The following ADGRA3 variants were observed in gnomAD, a reference collection of about 807,000 sequenced individuals.
ADGRA3 encodes the protein G-protein coupled receptor 125.
ADGRA3 carries 56 observed loss-of-function variants against 119.8 expected under a neutral mutation model. That is an observed-to-expected ratio of 0.47 (90% CI 0.38 to 0.58). The LOEUF (loss-of-function observed/expected upper bound fraction) is 0.58. Ranked by LOEUF, ADGRA3 falls within the 20% of genes least tolerant of loss-of-function variation. The probability of loss-of-function intolerance (pLI) is 0.00; values close to 1 mark genes in which losing one functional copy is unlikely to be tolerated. For missense variants in ADGRA3, 1,516 were observed against 1,649.0 expected, an observed-to-expected ratio of 0.92 and a Z score of 1.40; for synonymous variants, 607 against 623.8, an observed-to-expected ratio of 0.97 and a Z score of 0.40.
At chr4:22,496,563 T>C (rs1049360021) in intron 1 of ADGRA3, among the ~76,000 whole-genome samples, 3 of 152,174 alleles carry the variant, frequency 2.0e-5, no homozygotes, top group African/African-American at 7.2e-5. Context: ...TGGGAACCGC[T>C]ATTAGAATAT....
At chr4:22,496,952 C>G (rs185347491) in intron 1 of ADGRA3, among the ~76,000 whole-genome samples, 1 of 152,352 alleles carries the variant, frequency 6.6e-6, no homozygotes, top group Admixed American at 6.5e-5. Context: ...AATACTTACT[C>G]CCAATTTATG....
chr4:22,406,783 C>G (rs898751945), intron 14 of ADGRA3, among the ~76,000 whole-genome samples: 1 of 151,932 alleles, frequency 6.6e-6, no homozygotes, highest in Admixed American at 6.6e-5. Flanking sequence ...GTATAAAGGG[C>G]CAGATAGTAA....
intron 3 of ADGRA3, among the ~76,000 whole-genome samples, chr4:22,457,552 T>C (rs572119695): frequency 1.3e-5 from 2 of 152,198 alleles, no homozygotes; most frequent in African/African-American, 2.4e-5. Flanking sequence ...ATATTATAAA[T>C]GGCAATTACC....
chr4:22,422,073 C>G (rs998997722), intron 11 of ADGRA3, among the ~76,000 whole-genome samples: 1 of 151,994 alleles, frequency 6.6e-6, no homozygotes, highest in African/African-American at 2.4e-5. Flanking sequence ...CAGGCCCACT[C>G]GCTGGAGGAC....
At chr4:22,453,773 C>T (rs1403406649) in intron 4 of ADGRA3, among the ~76,000 whole-genome samples, 1 of 152,148 alleles carries the variant, frequency 6.6e-6, no homozygotes, top group Admixed American at 6.5e-5. Context: ...ATCTGCTTTT[C>T]ATACATTTCA....
intron 14 of ADGRA3, among the ~76,000 whole-genome samples, chr4:22,405,100 A>G (rs1355641387): frequency 6.6e-6 from 1 of 152,188 alleles, no homozygotes; most frequent in Non-Finnish European, 1.5e-5. Flanking sequence ...GAGAAGGGGT[A>G]GAAGAAAGGT....
chr4:22,509,502 CAAAAAAAAAGAAAAGAAAAGAA>C (rs1462310721), intron 1 of ADGRA3, among the ~76,000 whole-genome samples: 1 of 137,848 alleles, frequency 7.3e-6, no homozygotes, highest in Non-Finnish European at 1.6e-5. Context: ...GACTCCATCT[CAAAAAAAAAGAAAAGAAAAGAA>C]AAAAAAAAAG....
chr4:22,416,667 A>C (rs1402797494), intron 12 of ADGRA3, among the ~76,000 whole-genome samples: 1 of 152,184 alleles, frequency 6.6e-6, no homozygotes, highest in Non-Finnish European at 1.5e-5. Context: ...AAATGCCTTA[A>C]CTAAATTGCC....
At chr4:22,393,365 T>C (rs957007534) in intron 16 of ADGRA3, 2 of 152,206 alleles carry the variant, frequency 1.3e-5, no homozygotes, top group African/African-American at 4.8e-5. Context: ...AGGAGGAATA[T>C]ACAGAGGGCA....
intron 1 of ADGRA3, among the ~76,000 whole-genome samples, chr4:22,476,155 G>T (rs892960850): frequency 1.2e-4 from 18 of 152,088 alleles, no homozygotes; most frequent in African/African-American, 4.1e-4. Context: ...TGTTGTTGTT[G>T]TTTTTAAAAA....
At chr4:22,476,447 T>A (rs1480188749) in intron 1 of ADGRA3, among the ~76,000 whole-genome samples, 1 of 152,270 alleles carries the variant, frequency 6.6e-6, no homozygotes, top group East Asian at 1.9e-4. Context: ...AACAAAATTG[T>A]ATGCCTCCAA....
rs542014008 is a variant in ADGRA3 at position 22,454,897 on chromosome 4, T to C, written c.442A>G (p.Ile148Val). Reference sequence around the variant, plus strand: ...ACCAGATTGGTGAGTCCTCGAAATATGTCTGCATTCAGACATCCTATTCGA... The same window carrying C: ...ACCAGATTGGTGAGTCCTCGAAATACGTCTGCATTCAGACATCCTATTCGA... ...NNRIGCLNADIFRGLTNLVRL... is the reference protein window; with the variant it reads ...NNRIGCLNADVFRGLTNLVRL... The change falls in exon 4 of 19, where the codon ATA (isoleucine) becomes GTA (valine). Residue 148 changes from isoleucine to valine, a missense_variant. Around this residue, in one of 2 missense-constraint regions of ADGRA3, gnomAD observed 428 missense variants for 541.9 expected, o/e 0.79. Coordinates refer to ENST00000334304, the MANE Select transcript of ADGRA3 (RefSeq NM_145290.4). 24 of 1,613,884 alleles carry C rather than the reference T, an allele frequency of 1.5e-5. No individual in the cohort carries two copies. The highest frequency in any genetic ancestry group is 6.7e-5 in the East Asian group (3 of 44,858).
At chr4:22,474,164 A>G (rs1456577072) in intron 1 of ADGRA3, among the ~76,000 whole-genome samples, 1 of 152,224 alleles carries the variant, frequency 6.6e-6, no homozygotes, top group Non-Finnish European at 1.5e-5. Flanking sequence ...TTATATAATT[A>G]ATCATATTAT....
intron 1 of ADGRA3, among the ~76,000 whole-genome samples, chr4:22,497,061 G>T (rs925362298): frequency 1.3e-5 from 2 of 152,168 alleles, no homozygotes; most frequent in African/African-American, 4.8e-5. Context: ...CTTTTGGGGC[G>T]AATCATAACC....
At chr4:22,468,538 G>A (rs1717744535) in intron 2 of ADGRA3, among the ~76,000 whole-genome samples, 1 of 152,112 alleles carries the variant, frequency 6.6e-6, no homozygotes, top group African/African-American at 2.4e-5. Flanking sequence ...GGAGGCTGAG[G>A]CGGACAGATC....
chr4:22,450,951 A>AAAAT (rs1329338329), intron 4 of ADGRA3, among the ~76,000 whole-genome samples: 3 of 122,808 alleles, frequency 2.4e-5, no homozygotes, highest in African/African-American at 6.6e-5. Context: ...AAAAAAAAAA[A>AAAAT]ATATATATAT....
At chr4:22,449,279 A>G (rs1298140877) in intron 4 of ADGRA3, among the ~76,000 whole-genome samples, 1 of 152,032 alleles carries the variant, frequency 6.6e-6, no homozygotes, top group Non-Finnish European at 1.5e-5. Flanking sequence ...CAAAAAAAAA[A>G]AAAATTTTTT....
chr4:22,406,933 T>C (rs1577328302), intron 14 of ADGRA3, among the ~76,000 whole-genome samples: 1 of 152,136 alleles, frequency 6.6e-6, no homozygotes, highest in East Asian at 1.9e-4. Flanking sequence ...AAAGCCATTA[T>C]TAGCTTTCCC....
chr4:22,405,539 C>T (rs1341986789), intron 14 of ADGRA3, among the ~76,000 whole-genome samples: 1 of 147,080 alleles, frequency 6.8e-6, no homozygotes, highest in African/African-American at 2.6e-5. Context: ...GAGCAAACCC[C>T]TATTTCTAAA....
Sources: allele counts gnomAD v4.1 joint callset (sites outside exome capture counted in the v4.1 genomes callset), GRCh38; gene constraint gnomAD v4.1.1; regional missense constraint gnomAD v4.1.1; transcripts MANE v1.5; gene names NCBI Gene and HGNC (gene_info 2026-07-23, HGNC 2026-07-21).